Variants in ALK observed in about 807,000 individuals in gnomAD.
The protein encoded by ALK is ALK receptor tyrosine kinase, also known as ALK tyrosine kinase receptor.
A neutral mutation model predicts 163.1 loss-of-function variants in ALK; 74 were observed. The ratio of observed to expected loss-of-function variants is 0.45; its 90% CI spans 0.38 to 0.55. The LOEUF is 0.55. ALK is among the 20% of genes least tolerant of loss of function. The pLI, the probability that ALK is intolerant of heterozygous loss-of-function variation, is 0.00. For synonymous variants in ALK, 960 were observed against 843.2 expected, an observed-to-expected ratio of 1.14 and a Z score of -2.40; for missense variants, 2,063 against 2,105.3, an observed-to-expected ratio of 0.98 and a Z score of 0.39.
intron 3 of ALK, among the ~76,000 whole-genome samples, chr2:29,667,418 T>C (rs548557138): frequency 7.2e-5 from 11 of 152,192 alleles, no homozygotes; most frequent in African/African-American, 2.2e-4. Flanking sequence ...GGCTTTTAAT[T>C]TTTTCCTATT....
intron 1 of ALK, among the ~76,000 whole-genome samples, chr2:29,791,751 C>T (rs925427089): frequency 6.6e-6 from 1 of 152,022 alleles, no homozygotes; most frequent in Admixed American, 6.6e-5. Flanking sequence ...ATTCATCCAT[C>T]CATTTATTTA....
intron 4 of ALK, among the ~76,000 whole-genome samples, chr2:29,522,115 G>C (rs1020234030): frequency 5.3e-5 from 8 of 152,208 alleles, no homozygotes; most frequent in Admixed American, 5.2e-4. Context: ...ATTATCAGCT[G>C]GCAATAGGGT....
At chr2:29,822,998 C>G (rs955125259) in intron 1 of ALK, among the ~76,000 whole-genome samples, 1 of 152,168 alleles carries the variant, frequency 6.6e-6, no homozygotes, top group Non-Finnish European at 1.5e-5. Context: ...GTGTCCCCAC[C>G]CAAAACTCAT....
chr2:29,853,063 G>C (rs1184496737), intron 1 of ALK, among the ~76,000 whole-genome samples: 2 of 152,134 alleles, frequency 1.3e-5, no homozygotes, highest in Non-Finnish European at 2.9e-5. Context: ...AAATGACTAA[G>C]ATAACAGCTA....
chr2:29,654,240 A>C (rs547217786), intron 3 of ALK, among the ~76,000 whole-genome samples: 2 of 152,296 alleles, frequency 1.3e-5, no homozygotes, highest in South Asian at 2.1e-4. Flanking sequence ...CAGAGTTGGC[A>C]CTTGGACCCA....
chr2:29,872,222 G>C (rs1184088799), intron 1 of ALK, among the ~76,000 whole-genome samples: 1 of 152,210 alleles, frequency 6.6e-6, no homozygotes, highest in Non-Finnish European at 1.5e-5. Flanking sequence ...TGAAGGTGTT[G>C]GGAGTCAAGG....
chr2:29,651,976 T>G (rs917027757), intron 3 of ALK, among the ~76,000 whole-genome samples: 27 of 152,112 alleles, frequency 1.8e-4, no homozygotes, highest in African/African-American at 5.8e-4. Context: ...TGGGCATCAA[T>G]CAAGATAATT....
chr2:29,500,929 C>T (rs1352432578), intron 4 of ALK, among the ~76,000 whole-genome samples: 2 of 152,202 alleles, frequency 1.3e-5, no homozygotes, highest in Non-Finnish European at 2.9e-5. Flanking sequence ...CCCAACTCCC[C>T]ACCTCCTTTC....
chr2:29,577,616 G>T (rs4128814), intron 3 of ALK, among the ~76,000 whole-genome samples: 23,829 of 152,068 alleles, frequency 0.16, 2,113 homozygotes, highest in East Asian at 0.27. Flanking sequence ...TACAGTTCTA[G>T]GCATCACTGC....
At chr2:29,520,244 G>C (rs1276687812) in intron 4 of ALK, among the ~76,000 whole-genome samples, 1 of 152,190 alleles carries the variant, frequency 6.6e-6, no homozygotes, top group Admixed American at 6.5e-5. Context: ...CCTTCGATTG[G>C]AGGTTGAGTA....
At chr2:29,769,420 G>T (rs1558480181) in intron 1 of ALK, among the ~76,000 whole-genome samples, 2 of 152,044 alleles carry the variant, frequency 1.3e-5, no homozygotes, top group Admixed American at 1.3e-4. Flanking sequence ...TCTTTCTTTA[G>T]CCACCAAGAT....
intron 15 of ALK, 143 bp from the exon 16 acceptor site, chr2:29,229,209 G>A: frequency 2.6e-6 from 2 of 758,344 alleles, no homozygotes; most frequent in Non-Finnish European, 2.3e-6. Flanking sequence ...TGGGGCCTGG[G>A]GGCTTCAGAT....
At chr2:29,757,358 G>A (rs912588451) in intron 1 of ALK, among the ~76,000 whole-genome samples, 19 of 152,254 alleles carry the variant, frequency 1.2e-4, no homozygotes, top group African/African-American at 4.1e-4. Context: ...ACAAAGCCGA[G>A]GCATGGAAAG....
At chr2:29,277,670 G>T (rs1231379529) in intron 9 of ALK, among the ~76,000 whole-genome samples, 2 of 152,228 alleles carry the variant, frequency 1.3e-5, no homozygotes, top group Admixed American at 6.5e-5. Context: ...CCTCAGTCAG[G>T]ATAGTGTGTG....
intron 1 of ALK, among the ~76,000 whole-genome samples, chr2:29,757,875 T>C (rs186120594): frequency 1.3e-5 from 2 of 152,238 alleles, no homozygotes; most frequent in East Asian, 3.9e-4. Flanking sequence ...CAGCTGCAGT[T>C]TCTGACCCCT....
In ALK at chr2:29,716,979, C is replaced by T. The variant is rs866748095; in HGVS notation, c.787+599G>A. 4.4e-5 allele frequency among the ~76,000 whole-genome samples: 6 copies of T among 136,366 alleles called. 1 individual carries two copies. Among genetic ancestry groups the T allele is most frequent in the Middle Eastern group, 6.7e-3 (2 of 300 alleles). 89.5% of individuals were successfully genotyped at this position (136,366 alleles called of 152,430 possible). ...CTAACACAGTAACACAGTCAAACCCCGTGTCTACCAAAAATCCAAAAAAAA... is the reference window on the plus strand; with the variant it reads ...CTAACACAGTAACACAGTCAAACCCTGTGTCTACCAAAAATCCAAAAAAAA... On this transcript the variant is annotated intron_variant, in intron 2 of 28. Transcript: ENST00000389048.
At position 29,420,484 on chromosome 2, in the gene ALK, T is replaced by A. The variant is rs558796139; in HGVS notation, c.1155-36625A>T. ...TTCACATTTGAGGAACGCATTCTGG[T>A]TGAGGACTGATTTTTCCTTCCAGCC... is the stretch of plus-strand genomic sequence containing the variant. On this transcript the variant is annotated intron_variant, in intron 4 of 28. Coordinates refer to ENST00000389048, the MANE Select transcript of ALK (RefSeq NM_004304.5). Among the ~76,000 whole-genome samples, 6 of 151,646 alleles carry A rather than the reference T, an allele frequency of 4.0e-5. No individual in the cohort carries two copies. The South Asian group carries it at 8.3e-4, about 21-fold the overall frequency.
chr2:29,808,095 T>G (rs1664666950), intron 1 of ALK, among the ~76,000 whole-genome samples: 2 of 152,358 alleles, frequency 1.3e-5, no homozygotes, highest in East Asian at 3.9e-4. Flanking sequence ...ATTTTCTATA[T>G]GCAATTACTA....
intron 11 of ALK, among the ~76,000 whole-genome samples, chr2:29,270,772 G>A (rs1665362669): frequency 6.6e-6 from 1 of 152,080 alleles, no homozygotes; most frequent in Non-Finnish European, 1.5e-5. Flanking sequence ...GGGGATTTCT[G>A]GGGAAAGCTG....
Sources: allele counts gnomAD v4.1 joint callset (sites outside exome capture counted in the v4.1 genomes callset), GRCh38; gene constraint gnomAD v4.1.1; transcripts MANE v1.5; gene names NCBI Gene and HGNC (gene_info 2026-07-23, HGNC 2026-07-21).